Variants in DLC1 observed in about 807,000 individuals in gnomAD.
DLC1 encodes rho GTPase-activating protein 7.
In DLC1, 54 loss-of-function variants were observed where a neutral mutation model predicts 140.3. The observed-to-expected ratio is 0.38, with a 90% CI of 0.31 to 0.48. The LOEUF (loss-of-function observed/expected upper bound fraction) is 0.48, where lower values mean the gene tolerates loss of function less well. Ranked by LOEUF, DLC1 falls within the 20% of genes least tolerant of loss-of-function variation. The probability of loss-of-function intolerance (pLI) is 0.96; values close to 1 mark genes in which losing one functional copy is unlikely to be tolerated. For synonymous variants in DLC1, 986 were observed against 728.1 expected (o/e 1.35, Z -5.70); for missense variants, 2,536 against 1,907.0 (o/e 1.33, Z -6.14).
At chr8:13,137,269 A>G (rs1585740372) in intron 5 of DLC1, among the ~76,000 whole-genome samples, 1 of 152,260 alleles carries the variant, frequency 6.6e-6, no homozygotes, top group African/African-American at 2.4e-5. Context: ...TCTCTGTCAT[A>G]CGTTAGAAGT....
rs139038399 is a variant in DLC1 at position 13,237,492 on chromosome 8, T to C, written c.1348+67777A>G. Among the ~76,000 whole-genome samples, 8 of 152,044 alleles carry C rather than the reference T, an allele frequency of 5.3e-5. No individual in the cohort carries two copies. In the East Asian group the frequency reaches 1.2e-3, roughly 22 times the overall value. The stretch of plus-strand genomic sequence containing the variant: ...TTCTTTATTTCAATAGTTTTTGAGG[T>C]ACAGGTAGTTTTTGGTTGCATGGAT... On this transcript the variant is annotated intron_variant, in intron 5 of 17. Transcript: ENST00000276297.
intron 4 of DLC1, among the ~76,000 whole-genome samples, chr8:13,367,074 C>T (rs1172885332): frequency 6.6e-6 from 1 of 152,096 alleles, no homozygotes; most frequent in Non-Finnish European, 1.5e-5. Flanking sequence ...TTTTATAATG[C>T]TAAAAATGAG....
At chr8:13,376,379 C>G (rs1290095312) in intron 4 of DLC1, among the ~76,000 whole-genome samples, 1 of 152,130 alleles carries the variant, frequency 6.6e-6, no homozygotes, top group Non-Finnish European at 1.5e-5. Context: ...TAAGTAAGCA[C>G]TCTGGTGACC....
rs142454785 is a variant in DLC1 at position 13,334,628 on chromosome 8, A to T, written c.1315-29326T>A. ...ACATCAGGAGTTATTTTGTAGATAA[A>T]GTGGGCAGGACTTACTAACGCATGG... On this transcript the variant is annotated intron_variant, in intron 4 of 17. Transcript: ENST00000276297. Among the ~76,000 whole-genome samples the T allele has an allele frequency of 2.2e-3, 331 of 152,250 alleles. 3 individuals are homozygous for T. The highest frequency in any genetic ancestry group is 7.3e-3 in the African/African-American group (305 of 41,556).
chr8:13,437,201 C>T (rs1839159016), intron 2 of DLC1, among the ~76,000 whole-genome samples: 1 of 152,158 alleles, frequency 6.6e-6, no homozygotes, highest in South Asian at 2.1e-4. Context: ...AGAAAACAGG[C>T]TCAGTTTCCT....
intron 5 of DLC1, among the ~76,000 whole-genome samples, chr8:13,173,672 T>G (rs1052050727): frequency 3.9e-5 from 6 of 152,156 alleles, no homozygotes; most frequent in Non-Finnish European, 5.9e-5. Flanking sequence ...GCCCGGCCTG[T>G]TCTGCTCCCT....
At chr8:13,370,156 G>A (rs997335324) in intron 4 of DLC1, among the ~76,000 whole-genome samples, 2 of 151,556 alleles carry the variant, frequency 1.3e-5, no homozygotes, top group Admixed American at 6.6e-5. Context: ...TGATCACTTT[G>A]TCTAAAGGCC....
intron 4 of DLC1, among the ~76,000 whole-genome samples, chr8:13,382,255 C>T (rs1233327272): frequency 3.3e-5 from 5 of 151,872 alleles, no homozygotes; most frequent in Non-Finnish European, 5.9e-5. Context: ...CGCCTGTAAT[C>T]CCAGCACTTT....
intron 4 of DLC1, among the ~76,000 whole-genome samples, chr8:13,308,484 T>A (rs914850491): frequency 2.0e-5 from 3 of 152,226 alleles, no homozygotes; most frequent in Admixed American, 2.0e-4. Flanking sequence ...TGTTTATGAA[T>A]AAATATATTA....
intron 5 of DLC1, among the ~76,000 whole-genome samples, chr8:13,297,107 A>G (rs970300511): frequency 2.6e-5 from 4 of 151,290 alleles, no homozygotes; most frequent in African/African-American, 4.9e-5. Flanking sequence ...TATATTTTTC[A>G]TGAATTCCTT....
chr8:13,432,663 G>T (rs998721776), intron 2 of DLC1, among the ~76,000 whole-genome samples: 5 of 152,210 alleles, frequency 3.3e-5, no homozygotes, highest in Non-Finnish European at 4.4e-5. Flanking sequence ...AAGTGCCTCA[G>T]TGAAAAAGCA....
chr8:13,444,240 A>G (rs937309478), intron 2 of DLC1, among the ~76,000 whole-genome samples: 1 of 152,082 alleles, frequency 6.6e-6, no homozygotes, highest in African/African-American at 2.4e-5. Context: ...CATAGGTGGG[A>G]GTTGAACAAT....
intron 9 of DLC1, 121 bp from the exon 10 acceptor site, chr8:13,098,696 G>T: frequency 9.4e-7 from 1 of 1,062,906 alleles, no homozygotes; most frequent in Non-Finnish European, 1.3e-6. Flanking sequence ...GCTCACTGCA[G>T]CCTTGAACTC....
intron 8 of DLC1, 35 bp from the exon 9 acceptor site, chr8:13,100,805 G>A (rs113322282): frequency 6.6e-7 from 1 of 1,523,176 alleles, no homozygotes; most frequent in Non-Finnish European, 8.8e-7. Flanking sequence ...CACACACTGG[G>A]GCTGGCAGCC....
At chr8:13,276,561 G>C (rs1831178501) in intron 5 of DLC1, 1 of 1,273,904 alleles carries the variant, frequency 7.8e-7, no homozygotes, top group East Asian at 3.2e-5. Flanking sequence ...GCGGCCTCCT[G>C]GCCCGCGGCC....
At chr8:13,337,520 G>A (rs937452052) in intron 4 of DLC1, among the ~76,000 whole-genome samples, 1 of 152,094 alleles carries the variant, frequency 6.6e-6, no homozygotes, top group African/African-American at 2.4e-5. Flanking sequence ...TTAACATCAT[G>A]AATTGTAAAT....
At chr8:13,207,013 G>A (rs1274184744) in intron 5 of DLC1, among the ~76,000 whole-genome samples, 1 of 152,094 alleles carries the variant, frequency 6.6e-6, no homozygotes. Flanking sequence ...GAGTGAGCAA[G>A]TAAGTGCTTT....
chr8:13,221,220 A>G (rs1192988459), intron 5 of DLC1, among the ~76,000 whole-genome samples: 1 of 152,088 alleles, frequency 6.6e-6, no homozygotes, highest in Non-Finnish European at 1.5e-5. Flanking sequence ...GATGTTAGAC[A>G]CCACTGACCC....
intron 7 of DLC1, among the ~76,000 whole-genome samples, chr8:13,109,254 T>C (rs899769407): frequency 6.6e-5 from 10 of 152,014 alleles, no homozygotes; most frequent in Admixed American, 1.3e-4. Flanking sequence ...ATGATGTTTT[T>C]CCAAGTTGAA....
Sources: gnomAD v4.1 joint callset for allele counts (sites outside exome capture counted in the v4.1 genomes callset) on GRCh38, gnomAD v4.1.1 for gene constraint, MANE v1.5 for transcripts, NCBI Gene and HGNC (gene_info 2026-07-23, HGNC 2026-07-21) for gene names.